Variants in BANK1 observed in about 807,000 individuals in gnomAD.
BANK1 encodes B cell scaffold protein with ankyrin repeats 1.
A neutral mutation model predicts 94.5 loss-of-function variants in BANK1; 95 were observed. The observed-to-expected ratio is 1.00, with a 90% confidence interval of 0.85 to 1.19. The LOEUF (loss-of-function observed/expected upper bound fraction) is 1.19, where lower values mean the gene tolerates loss of function less well. BANK1 is among the 50% of genes most tolerant of loss of function. The pLI is 0.00. For missense variants in BANK1, 987 were observed against 932.2 expected (o/e 1.06, Z -0.77); for synonymous variants, 334 against 308.4 (o/e 1.08, Z -0.87).
At chr4:102,028,800 A>G (rs1727188110) in intron 9 of BANK1, among the ~76,000 whole-genome samples, 1 of 152,118 alleles carries the variant, frequency 6.6e-6, no homozygotes, top group South Asian at 2.1e-4. Flanking sequence ...TCTGAAACCT[A>G]TAATTTTATT....
At chr4:101,934,975 T>C (rs13120877) in intron 7 of BANK1, among the ~76,000 whole-genome samples, 1 of 151,380 alleles carries the variant, frequency 6.6e-6, no homozygotes. Context: ...CTATTTAAAA[T>C]TGCCAATACC....
At chr4:102,007,057 A>T (rs1438612624) in intron 7 of BANK1, among the ~76,000 whole-genome samples, 4 of 117,826 alleles carry the variant, frequency 3.4e-5, no homozygotes, top group African/African-American at 1.3e-4. Context: ...ATATATATAA[A>T]ATATATAATT....
At chr4:101,935,777 C>A (rs751640152) in intron 7 of BANK1, among the ~76,000 whole-genome samples, 10 of 151,480 alleles carry the variant, frequency 6.6e-5, no homozygotes, top group Non-Finnish European at 1.5e-4. Context: ...ACAGTGAACT[C>A]ATTTTTCACA....
intron 7 of BANK1, 74 bp downstream of exon 7, chr4:101,918,263 C>A: frequency 9.5e-7 from 1 of 1,048,950 alleles, no homozygotes; most frequent in Non-Finnish European, 1.3e-6. Context: ...GAAGAAAAAA[C>A]CTATTACCTT....
chr4:101,996,807 T>C (rs1725894683), intron 7 of BANK1, among the ~76,000 whole-genome samples: 2 of 152,242 alleles, frequency 1.3e-5, no homozygotes, highest in Admixed American at 1.3e-4. Context: ...CTAAGTTGCT[T>C]ATCAGCTTAA....
At chr4:101,837,169 ATTGT>A (rs1726859566) in intron 2 of BANK1, among the ~76,000 whole-genome samples, 1 of 152,190 alleles carries the variant, frequency 6.6e-6, no homozygotes, top group Admixed American at 6.5e-5. Flanking sequence ...ACTTACTTTG[ATTGT>A]TCACAAATTT....
chr4:101,976,363 C>T (rs780196657), intron 7 of BANK1, among the ~76,000 whole-genome samples: 1 of 152,020 alleles, frequency 6.6e-6, no homozygotes, highest in Non-Finnish European at 1.5e-5. Context: ...ATTGAACTAT[C>T]CAGGATTCTG....
chr4:101,983,614 T>G (rs1725389795), intron 7 of BANK1, among the ~76,000 whole-genome samples: 1 of 152,088 alleles, frequency 6.6e-6, no homozygotes, highest in Non-Finnish European at 1.5e-5. Flanking sequence ...CTATTTGAAG[T>G]GTAGCATAGT....
At chr4:101,830,575 C>T (rs1371865056) in intron 2 of BANK1, among the ~76,000 whole-genome samples, 2 of 152,032 alleles carry the variant, frequency 1.3e-5, no homozygotes, top group African/African-American at 4.8e-5. Flanking sequence ...GTGGTGTTAC[C>T]AGTCAGTAGC....
At chr4:101,935,946 C>G (rs963373766) in intron 7 of BANK1, among the ~76,000 whole-genome samples, 2 of 151,392 alleles carry the variant, frequency 1.3e-5, no homozygotes, top group African/African-American at 2.4e-5. Context: ...TCTAACACGT[C>G]AAGCTATGAA....
chr4:101,923,324 G>C (rs773462968), intron 7 of BANK1, among the ~76,000 whole-genome samples: 19 of 151,660 alleles, frequency 1.3e-4, no homozygotes, highest in Non-Finnish European at 2.7e-4. Context: ...GCTTTACATA[G>C]ACATATAGTT....
At chr4:101,805,395 A>G (rs1725517450) in intron 1 of BANK1, among the ~76,000 whole-genome samples, 1 of 152,092 alleles carries the variant, frequency 6.6e-6, no homozygotes, top group South Asian at 2.1e-4. Context: ...TGCTCTTTAA[A>G]GAAAAGGGTA....
chr4:101,799,243 G>C (rs533625588), intron 1 of BANK1, among the ~76,000 whole-genome samples: 1 of 152,008 alleles, frequency 6.6e-6, no homozygotes, highest in East Asian at 1.9e-4. Context: ...TCTTGTTTTT[G>C]TCAGGTTTGT....
intron 10 of BANK1, among the ~76,000 whole-genome samples, chr4:102,032,542 A>G (rs1348535455): frequency 2.0e-5 from 3 of 152,036 alleles, no homozygotes; most frequent in Non-Finnish European, 4.4e-5. Context: ...GTAACATTTG[A>G]TACTTCCATC....
chr4:101,966,469 T>TTA lies in BANK1; in HGVS notation c.1206+48280_1206+48281insTA, dbSNP rs1287515038. The stretch of plus-strand genomic sequence containing the variant: ...TGTGATAGACATCTTGGAGAGTAGT[T>TTA]AATATAGAGTATGGTTAGTGCAATT... On this transcript the variant is annotated intron_variant, in intron 7 of 16. Coordinates refer to ENST00000322953, the MANE Select transcript of BANK1 (RefSeq NM_017935.5). 3.9e-5 allele frequency among the ~76,000 whole-genome samples: 6 copies of TTA among 152,038 alleles called. No individual in the cohort carries two copies. In the South Asian group the frequency reaches 8.3e-4, roughly 21 times the overall value.
intron 11 of BANK1, among the ~76,000 whole-genome samples, chr4:102,053,536 T>C (rs999260685): frequency 2.0e-5 from 3 of 152,022 alleles, no homozygotes; most frequent in Non-Finnish European, 4.4e-5. Flanking sequence ...ATTTTGCTCA[T>C]GTAAGAAGAA....
intron 7 of BANK1, among the ~76,000 whole-genome samples, chr4:102,009,246 A>G (rs1726404020): frequency 6.6e-6 from 1 of 152,192 alleles, no homozygotes; most frequent in African/African-American, 2.4e-5. Context: ...GTGAGGAAAG[A>G]ACTATACAAC....
At chr4:101,876,173 T>C (rs1728483597) in intron 5 of BANK1, among the ~76,000 whole-genome samples, 1 of 152,218 alleles carries the variant, frequency 6.6e-6, no homozygotes, top group Non-Finnish European at 1.5e-5. Context: ...CCCTTGGCCC[T>C]GAATAAACAG....
intron 6 of BANK1, among the ~76,000 whole-genome samples, chr4:101,916,363 A>G (rs553503730): frequency 6.6e-6 from 1 of 152,088 alleles, no homozygotes; most frequent in Non-Finnish European, 1.5e-5. Flanking sequence ...CTGAATGAAT[A>G]TTTACTATTC....
Sources: allele counts gnomAD v4.1 joint callset (sites outside exome capture counted in the v4.1 genomes callset), GRCh38; gene constraint gnomAD v4.1.1; transcripts MANE v1.5; gene names NCBI Gene and HGNC (gene_info 2026-07-23, HGNC 2026-07-21).